DENND2C: variants seen among roughly 807,000 people sequenced by gnomAD.
DENND2C encodes DENN domain-containing protein 2C.
Under a neutral mutation model 112.4 loss-of-function variants are expected in DENND2C, and 72 were observed. The observed-to-expected ratio is 0.64, with a 90% CI of 0.53 to 0.78. The LOEUF is 0.78. DENND2C is among the 30% of genes least tolerant of loss of function. DENND2C has a pLI of 0.00. For missense variants in DENND2C, 992 were observed against 1,113.8 expected (o/e 0.89, Z 1.56); for synonymous variants, 329 against 381.6 (o/e 0.86, Z 1.61).
chr1:114,658,230 T>C (rs1000668292), intron 1 of DENND2C, among the ~76,000 whole-genome samples: 7 of 149,462 alleles, frequency 4.7e-5, no homozygotes, highest in African/African-American at 1.7e-4. Flanking sequence ...AAGCAGAGAG[T>C]TTTCAGAGTT....
intron 1 of DENND2C, among the ~76,000 whole-genome samples, chr1:114,665,615 T>C (rs535377394): frequency 2.2e-3 from 332 of 152,344 alleles, no homozygotes; most frequent in African/African-American, 6.9e-3. Context: ...TATTCAGACA[T>C]AACCCTATCG....
At chr1:114,597,456 AG>A (rs1448868410) in intron 16 of DENND2C, among the ~76,000 whole-genome samples, 1 of 151,230 alleles carries the variant, frequency 6.6e-6, no homozygotes, top group Non-Finnish European at 1.5e-5. Context: ...AAAAGAAAAG[AG>A]AAGAAAAGGA....
chr1:114,646,961 A>G (rs1292129746), intron 2 of DENND2C, among the ~76,000 whole-genome samples: 2 of 152,050 alleles, frequency 1.3e-5, no homozygotes. Flanking sequence ...GGAGTTTGAG[A>G]CCAGCCTGGC....
chr1:114,599,281 A>G lies in DENND2C; in HGVS notation c.2276T>C (p.Ile759Thr). ...CSLPQLQDLP[I>T]EEVLIVDLCA... ...TCCATTCTTCTATCTCACCTCTTCA[A>G]TGGGTAGGTCCTGGAGCTGTGGTAA... The change falls in exon 16 of 21, where the codon ATT (isoleucine) becomes ACT (threonine). Residue 759 changes from isoleucine (I) to threonine (T), a missense_variant. Ile to Thr is a moderately conservative substitution (Grantham distance 89, BLOSUM62 -1). This residue lies in a region of DENND2C where 516 missense variants were observed against 623.6 expected (regional missense o/e 0.83). Transcript: ENST00000393274. 1 of 1,606,278 alleles carries G rather than the reference A, an allele frequency of 6.2e-7. No individual in the cohort carries two copies. Among genetic ancestry groups the G allele is most frequent in the Non-Finnish European group, 8.5e-7 (1 of 1,175,026 alleles).
At chr1:114,623,936 A>G (rs1210258115) in intron 4 of DENND2C, among the ~76,000 whole-genome samples, 9 of 152,150 alleles carry the variant, frequency 5.9e-5, no homozygotes, top group Non-Finnish European at 1.5e-5. Context: ...AGGTTTCACC[A>G]TGACCGCCAG....
At position 114,611,778 on chromosome 1, in the gene DENND2C, AACACACACACACACACAC is replaced by A. The variant is rs6143386; in HGVS notation, c.1325-679_1325-662del. ...TTTGTATAATTCTGAGAGCACAGGCAACACACACACACACACACACACACACACACACACACACAAAGC... is the reference window on the plus strand; with the variant it reads ...TTTGTATAATTCTGAGAGCACAGGCAACACACACACACACACACACAAAGC... On this transcript the variant is annotated intron_variant, in intron 8 of 20. Coordinates refer to ENST00000393274, the MANE Select transcript of DENND2C (RefSeq NM_001256404.2). 4.0e-5 allele frequency among the ~76,000 whole-genome samples: 6 copies of A among 148,376 alleles called. No homozygotes were observed. In the East Asian group the frequency reaches 9.9e-4, roughly 25 times the overall value.
chr1:114,624,614 TTC>T (rs1656278129), intron 4 of DENND2C, among the ~76,000 whole-genome samples: 1 of 94,508 alleles, frequency 1.1e-5, no homozygotes, highest in African/African-American at 5.2e-5. Context: ...TAGATTAATT[TTC>T]TTTTTTTCTT....
intron 3 of DENND2C, among the ~76,000 whole-genome samples, chr1:114,642,203 G>A (rs1318338721): frequency 2.0e-5 from 3 of 151,894 alleles, no homozygotes; most frequent in Admixed American, 1.3e-4. Flanking sequence ...CGTCCGCCTC[G>A]GCCTCCCAAA....
chr1:114,611,042 A>G (rs758221682), intron 9 of DENND2C, 31 bp downstream of exon 9: 3 of 1,613,860 alleles, frequency 1.9e-6, no homozygotes, highest in Non-Finnish European at 2.5e-6. Flanking sequence ...GATCATCACA[A>G]CAACGGGAGC....
chr1:114,620,659 C>T (rs1198013961), intron 7 of DENND2C, among the ~76,000 whole-genome samples: 1 of 152,122 alleles, frequency 6.6e-6, no homozygotes, highest in Non-Finnish European at 1.5e-5. Context: ...CTGCAAGATG[C>T]CTGGCAGTTC....
intron 19 of DENND2C, 60 bp downstream of exon 19, chr1:114,587,656 T>C (rs960235602): frequency 1.4e-6 from 2 of 1,472,802 alleles, no homozygotes; most frequent in African/African-American, 1.4e-5. Flanking sequence ...ATTCATAATA[T>C]AGTAAAATCT....
chr1:114,609,271 C>G (rs953024457), intron 9 of DENND2C, among the ~76,000 whole-genome samples: 1 of 151,830 alleles, frequency 6.6e-6, no homozygotes, highest in Non-Finnish European at 1.5e-5. Context: ...TCACAGGGTG[C>G]CAGGTGGCAC....
chr1:114,644,413 T>C (rs1222762219), intron 3 of DENND2C, among the ~76,000 whole-genome samples: 1 of 152,128 alleles, frequency 6.6e-6, no homozygotes, highest in African/African-American at 2.4e-5. Flanking sequence ...CCTCAGTAAG[T>C]ATTTGTTGAA....
chr1:114,650,508 CAA>C (rs749266801), intron 2 of DENND2C, among the ~76,000 whole-genome samples: 4 of 122,050 alleles, frequency 3.3e-5, no homozygotes, highest in African/African-American at 6.1e-5. Context: ...ACTAAAAATA[CAA>C]AAAAAAAAAA....
intron 12 of DENND2C, 26 bp from the exon 13 acceptor site, chr1:114,601,611 A>G (rs749488515): frequency 6.3e-7 from 1 of 1,598,650 alleles, no homozygotes; most frequent in South Asian, 1.1e-5. Flanking sequence ...AACAACAACA[A>G]AAAAATCAAG....
At chr1:114,590,073 T>G (rs905937204) in intron 18 of DENND2C, among the ~76,000 whole-genome samples, 1 of 152,202 alleles carries the variant, frequency 6.6e-6, no homozygotes, top group African/African-American at 2.4e-5. Context: ...AACTTACTGT[T>G]TTATTCAATA....
intron 8 of DENND2C, among the ~76,000 whole-genome samples, chr1:114,612,934 T>C (rs1376313262): frequency 1.3e-5 from 2 of 152,230 alleles, no homozygotes; most frequent in African/African-American, 4.8e-5. Context: ...GTGCTGGAGT[T>C]ACAGGTGTGA....
intron 18 of DENND2C, among the ~76,000 whole-genome samples, 156 bp downstream of exon 18, chr1:114,594,317 C>T (rs115635662): frequency 0.011 from 1,726 of 152,284 alleles, 27 homozygotes; most frequent in African/African-American, 0.039. Flanking sequence ...GAGGACCTGG[C>T]ATACTGAGGA....
intron 2 of DENND2C, among the ~76,000 whole-genome samples, chr1:114,653,020 T>G (rs1657212754): frequency 6.6e-6 from 1 of 152,068 alleles, no homozygotes; most frequent in South Asian, 2.1e-4. Context: ...CGATCCGTGA[T>G]TGGTTGTATC....
Sources: gnomAD v4.1 joint callset for allele counts (sites outside exome capture counted in the v4.1 genomes callset) on GRCh38, gnomAD v4.1.1 for gene constraint, gnomAD v4.1.1 regional missense constraint, MANE v1.5 for transcripts, NCBI Gene and HGNC (gene_info 2026-07-23, HGNC 2026-07-21) for gene names.